Variants in KIF6 observed in about 807,000 individuals in gnomAD.
KIF6 encodes kinesin-like protein KIF6.
A neutral mutation model predicts 112.7 loss-of-function variants in KIF6; 106 were observed. That is an observed-to-expected ratio of 0.94 (90% CI 0.80 to 1.11). The LOEUF is 1.11. KIF6 is among the 50% of genes least tolerant of loss of function. The probability of loss-of-function intolerance (pLI) is 0.00; values close to 1 mark genes in which losing one functional copy is unlikely to be tolerated. For missense variants in KIF6, 929 were observed against 964.0 expected (o/e 0.96, Z 0.48); for synonymous variants, 339 against 339.9 (o/e 1.00, Z 0.03).
At chr6:39,531,967 G>A (rs1027242995) in intron 13 of KIF6, among the ~76,000 whole-genome samples, 35 of 152,028 alleles carry the variant, frequency 2.3e-4, no homozygotes, top group Admixed American at 2.2e-3. Flanking sequence ...TTCCTAAAAT[G>A]CTCCTTCCAC....
chr6:39,568,210 G>A (rs1209187900), intron 10 of KIF6, among the ~76,000 whole-genome samples: 6 of 152,136 alleles, frequency 3.9e-5, no homozygotes, highest in African/African-American at 9.7e-5. Flanking sequence ...TGCTATAAAC[G>A]AAAATAACTC....
intron 2 of KIF6, chr6:39,718,516 G>A (rs1790002342): frequency 6.6e-6 from 1 of 151,932 alleles, no homozygotes; most frequent in Non-Finnish European, 1.5e-5. Flanking sequence ...GGCCAAGGAG[G>A]GTCAGATCGC....
intron 13 of KIF6, among the ~76,000 whole-genome samples, chr6:39,529,940 A>G (rs1220393911): frequency 6.6e-6 from 1 of 152,310 alleles, no homozygotes; most frequent in East Asian, 1.9e-4. Flanking sequence ...CTGCTCTGTA[A>G]TGCTTTTCTC....
chr6:39,536,280 G>T (rs575628748), intron 13 of KIF6, among the ~76,000 whole-genome samples: 113 of 152,010 alleles, frequency 7.4e-4, no homozygotes, highest in African/African-American at 2.4e-3. Context: ...CCAGGAGCTG[G>T]TTTTTTTAAA....
At chr6:39,688,862 C>T (rs9394621) in intron 3 of KIF6, among the ~76,000 whole-genome samples, 3,555 of 152,286 alleles carry the variant, frequency 0.023, 46 homozygotes, top group Non-Finnish European at 0.036. Context: ...TAGCAACCTG[C>T]AATCCACTTT....
chr6:39,680,437 A>G (rs531584322), intron 3 of KIF6, among the ~76,000 whole-genome samples: 141 of 152,350 alleles, frequency 9.3e-4, no homozygotes, highest in Non-Finnish European at 1.8e-3. Flanking sequence ...TGACTGGTTT[A>G]GATAGGCCTT....
intron 7 of KIF6, among the ~76,000 whole-genome samples, 159 bp from the exon 8 acceptor site, chr6:39,586,563 T>C (rs1781652026): frequency 6.6e-6 from 1 of 152,166 alleles, no homozygotes. Flanking sequence ...TTGACAACAA[T>C]ATTCAGTACA....
At chr6:39,464,056 G>C (rs1773643533) in intron 13 of KIF6, among the ~76,000 whole-genome samples, 1 of 152,200 alleles carries the variant, frequency 6.6e-6, no homozygotes, top group Non-Finnish European at 1.5e-5. Flanking sequence ...TGCTACATGT[G>C]TGTTATGGTC....
chr6:39,485,279 T>G (rs998296381), intron 13 of KIF6, among the ~76,000 whole-genome samples: 2 of 152,164 alleles, frequency 1.3e-5, no homozygotes. Context: ...CTCTGGAAAT[T>G]TAATCAAGTA....
chr6:39,603,548 G>A (rs1294750138), intron 6 of KIF6, among the ~76,000 whole-genome samples: 1 of 151,500 alleles, frequency 6.6e-6, no homozygotes, highest in African/African-American at 2.4e-5. Context: ...TGTGGGGGGT[G>A]TGTGTGTGTG....
intron 13 of KIF6, among the ~76,000 whole-genome samples, chr6:39,468,225 T>A (rs539138788): frequency 6.6e-6 from 1 of 151,108 alleles, no homozygotes; most frequent in Non-Finnish European, 1.5e-5. Context: ...CAGTGAAATG[T>A]GGGGCACCAC....
intron 15 of KIF6, among the ~76,000 whole-genome samples, chr6:39,406,927 T>C (rs2150347209): frequency 6.6e-6 from 1 of 152,278 alleles, no homozygotes; most frequent in South Asian, 2.1e-4. Flanking sequence ...TAAACTTTTT[T>C]CTTTTTTTTG....
At chr6:39,410,233 A>G (rs1372791069) in intron 15 of KIF6, among the ~76,000 whole-genome samples, 2 of 152,256 alleles carry the variant, frequency 1.3e-5, no homozygotes, top group Non-Finnish European at 2.9e-5. Flanking sequence ...TTTTTGAAAT[A>G]CTTGAATGAA....
At chr6:39,544,444 T>C (rs1778957453) in intron 12 of KIF6, 111 bp downstream of exon 12, 1 of 1,092,388 alleles carries the variant, frequency 9.2e-7, no homozygotes, top group East Asian at 2.6e-5. Context: ...AAAGAAGCAA[T>C]GTGAAATGGA....
Position 39,651,851 on chromosome 6 carries a change from T to G in KIF6, c.252-12094A>C, listed in dbSNP as rs1197384005. On this transcript the variant is annotated intron_variant, in intron 3 of 22. Transcript: ENST00000287152. Reference sequence around the variant, plus strand: ...TGGATACACAACGATCTAATGAGATTTAGGAGCCAGAGTTTGAAGCAGAAA... The same window carrying G: ...TGGATACACAACGATCTAATGAGATGTAGGAGCCAGAGTTTGAAGCAGAAA... Among the ~76,000 whole-genome samples, 28 of 152,238 alleles carry G rather than the reference T, an allele frequency of 1.8e-4. 2 individuals carry two copies. The East Asian group carries it at 5.2e-3, about 28-fold the overall frequency.
In KIF6 at chr6:39,477,817, T is replaced by C. The variant is rs1041500842; in HGVS notation, c.1646-46656A>G. Reference sequence around the variant, plus strand: ...CGGAGGTTGCAGTGAGCCGAGATCATGCCATTGCACTCCAGCCTGGGTGAC... The same window carrying C: ...CGGAGGTTGCAGTGAGCCGAGATCACGCCATTGCACTCCAGCCTGGGTGAC... On this transcript the variant is annotated intron_variant, in intron 13 of 22. Transcript: ENST00000287152. Among the ~76,000 whole-genome samples the C allele has an allele frequency of 3.9e-5, 6 of 152,168 alleles. No homozygotes were observed. The East Asian group carries it at 9.7e-4, about 24-fold the overall frequency.
intron 6 of KIF6, among the ~76,000 whole-genome samples, chr6:39,610,748 T>TAA (rs1195446413): frequency 6.6e-5 from 10 of 152,144 alleles, no homozygotes; most frequent in Non-Finnish European, 1.3e-4. Flanking sequence ...AATATATATA[T>TAA]AACATGTCTA....
chr6:39,360,590 AG>A, intron 17 of KIF6, 60 bp from the exon 18 acceptor site: 1 of 1,599,714 alleles, frequency 6.3e-7, no homozygotes, highest in Non-Finnish European at 8.6e-7. Flanking sequence ...GCATGGATGC[AG>A]GGCTGTAAAT....
chr6:39,661,094 A>G lies in KIF6; in HGVS notation c.252-21337T>C, dbSNP rs1786115829. 2.6e-5 allele frequency among the ~76,000 whole-genome samples: 4 copies of G among 152,316 alleles called. No individual in the cohort carries two copies. In the Middle Eastern group the frequency reaches 0.014, roughly 518 times the overall value. ...TCTGAAAAGCTGATACTGTTTCAAA[A>G]TGAACCTACTCACAGTGACTATAAC... On this transcript the variant is annotated intron_variant, in intron 3 of 22. Transcript: ENST00000287152.
Sources: gnomAD v4.1 joint callset for allele counts (sites outside exome capture counted in the v4.1 genomes callset) on GRCh38, gnomAD v4.1.1 for gene constraint, MANE v1.5 for transcripts, NCBI Gene and HGNC (gene_info 2026-07-23, HGNC 2026-07-21) for gene names.